The following KIAA1217 variants were observed in gnomAD, a reference collection of about 807,000 sequenced individuals.
The protein encoded by KIAA1217 is KIAA1217, also known as sickle tail protein homolog.
In KIAA1217, 88 loss-of-function variants were observed where a neutral mutation model predicts 163.9. The observed-to-expected ratio is 0.54, with a 90% CI of 0.45 to 0.64. KIAA1217 has a LOEUF of 0.64. Among genes scored for constraint, KIAA1217 ranks in the 30% least tolerant of loss-of-function variants. The pLI is 0.00. For synonymous variants in KIAA1217, 903 were observed against 923.1 expected, an observed-to-expected ratio of 0.98 and a Z score of 0.39; for missense variants, 2,372 against 2,475.0, an observed-to-expected ratio of 0.96 and a Z score of 0.88.
intron 2 of KIAA1217, among the ~76,000 whole-genome samples, chr10:24,165,535 G>T (rs2065304996): frequency 1.3e-5 from 2 of 152,152 alleles, no homozygotes; most frequent in Non-Finnish European, 2.9e-5. Context: ...GGACCCAGAA[G>T]CAGAACATTT....
intron 2 of KIAA1217, among the ~76,000 whole-genome samples, chr10:24,249,754 G>T (rs374680449): frequency 2.0e-5 from 3 of 152,142 alleles, no homozygotes; most frequent in East Asian, 3.9e-4. Context: ...AAACCCTGCG[G>T]AGAGATACCT....
intron 3 of KIAA1217, among the ~76,000 whole-genome samples, chr10:24,387,934 G>A (rs12260833): frequency 0.15 from 23,013 of 151,886 alleles, 5,133 homozygotes; most frequent in African/African-American, 0.49. Flanking sequence ...AACATTCCAT[G>A]CTCATGGATA....
chr10:24,153,081 C>G (rs139859240), intron 2 of KIAA1217, among the ~76,000 whole-genome samples: 2 of 152,212 alleles, frequency 1.3e-5, no homozygotes, highest in Non-Finnish European at 2.9e-5. Context: ...TCATGAACTA[C>G]TAGCCTTAGG....
At chr10:23,774,333 G>A (rs988534128) in intron 1 of KIAA1217, among the ~76,000 whole-genome samples, 1 of 152,202 alleles carries the variant, frequency 6.6e-6, no homozygotes, top group African/African-American at 2.4e-5. Context: ...CTGGTGTGTG[G>A]GCTATGCTGG....
intron 1 of KIAA1217, among the ~76,000 whole-genome samples, chr10:23,855,591 A>G (rs950638375): frequency 5.3e-5 from 8 of 152,152 alleles, no homozygotes; most frequent in African/African-American, 1.9e-4. Flanking sequence ...GTTCTGGATA[A>G]TATCCTGCAG....
chr10:23,922,278 C>A (rs1266070140), intron 1 of KIAA1217, among the ~76,000 whole-genome samples: 1 of 152,144 alleles, frequency 6.6e-6, no homozygotes, highest in Non-Finnish European at 1.5e-5. Context: ...ATCTCTGCAC[C>A]AGCTCTCATA....
At chr10:24,503,799 C>T (rs972463457) in intron 9 of KIAA1217, among the ~76,000 whole-genome samples, 1 of 152,202 alleles carries the variant, frequency 6.6e-6, no homozygotes, top group Non-Finnish European at 1.5e-5. Flanking sequence ...GAGGTCAAGC[C>T]CTTCCCTTCA....
intron 2 of KIAA1217, among the ~76,000 whole-genome samples, chr10:24,077,140 G>C (rs893799900): frequency 4.6e-5 from 7 of 152,176 alleles, no homozygotes; most frequent in African/African-American, 1.7e-4. Context: ...GCCTCCCAAA[G>C]TGCTGAGATT....
At chr10:23,836,402 G>A (rs1838451315) in intron 1 of KIAA1217, among the ~76,000 whole-genome samples, 1 of 152,034 alleles carries the variant, frequency 6.6e-6, no homozygotes, top group African/African-American at 2.4e-5. Flanking sequence ...CAGAGAAGGA[G>A]GACCATGTGA....
In KIAA1217 at chr10:24,473,395, G is replaced by T; in HGVS notation, c.1014G>T (p.Met338Ile). The change falls in exon 6 of 21, where the codon ATG (methionine) becomes ATT (isoleucine). Residue 338 changes from methionine to isoleucine, a missense_variant. By Grantham distance (10) the Met-to-Ile change is conservative (BLOSUM62 1). Coordinates refer to ENST00000376454, the MANE Select transcript of KIAA1217 (RefSeq NM_019590.5). ...TTCCTTATGGGGGCACCCGCTCCAT[G>T]GTTGTTCCTGGCAATGCCACCATCC... ...SRIPYGGTRSMVVPGNATIPR... is the reference protein window; with the variant it reads ...SRIPYGGTRSIVVPGNATIPR... 5 of 1,613,736 alleles carry T rather than the reference G, an allele frequency of 3.1e-6. No homozygotes were observed. Among genetic ancestry groups the T allele is most frequent in the Non-Finnish European group, 4.2e-6 (5 of 1,179,828 alleles).
At chr10:24,285,570 G>A (rs1294605643) in intron 2 of KIAA1217, among the ~76,000 whole-genome samples, 1 of 152,114 alleles carries the variant, frequency 6.6e-6, no homozygotes, top group African/African-American at 2.4e-5. Context: ...GTTGGTCTAT[G>A]TGTCTATTTT....
chr10:24,322,992 C>A (rs2044371991), intron 2 of KIAA1217, among the ~76,000 whole-genome samples: 1 of 152,180 alleles, frequency 6.6e-6, no homozygotes, highest in South Asian at 2.1e-4. Flanking sequence ...TGGCTACCGG[C>A]TAGGCTAGAG....
At position 24,089,017 on chromosome 10, in the gene KIAA1217, G is replaced by A. The variant is rs1427653852; in HGVS notation, c.-171+81643G>A. Among the ~76,000 whole-genome samples the A allele has an allele frequency of 2.4e-5, 3 of 125,348 alleles. 1 individual carries two copies. Among genetic ancestry groups the A allele is most frequent in the Admixed American group, 7.6e-5 (1 of 13,080 alleles). 82.2% of individuals were successfully genotyped at this position (125,348 alleles called of 152,430 possible). A position where few individuals can be genotyped will look rare whatever the true frequency, so the allele number is the denominator to read the frequency against. On this transcript the variant is annotated intron_variant, in intron 2 of 18. Coordinates refer to the KIAA1217 transcript ENST00000376462. ...TAGTGTGAGATGATATCTCACTGTG[G>A]TTTTGATTTGCATTTCTCTGATGGC...
chr10:24,450,559 C>G (rs2061309394), intron 5 of KIAA1217, among the ~76,000 whole-genome samples: 1 of 152,162 alleles, frequency 6.6e-6, no homozygotes, highest in Non-Finnish European at 1.5e-5. Flanking sequence ...CAGTCTGTTT[C>G]CTTTCAAAAG....
chr10:24,100,740 G>A (rs2062380381), intron 2 of KIAA1217, among the ~76,000 whole-genome samples: 1 of 152,142 alleles, frequency 6.6e-6, no homozygotes, highest in Admixed American at 6.5e-5. Flanking sequence ...TATATTTCTA[G>A]TATGACTGCA....
At chr10:24,505,141 A>G (rs2068166609) in intron 9 of KIAA1217, among the ~76,000 whole-genome samples, 1 of 151,750 alleles carries the variant, frequency 6.6e-6, no homozygotes, top group Admixed American at 6.6e-5. Flanking sequence ...GGTAATATGA[A>G]TGCTTAGTCC....
chr10:23,918,150 C>CTTTT (rs559699322), intron 1 of KIAA1217, among the ~76,000 whole-genome samples: 1 of 115,834 alleles, frequency 8.6e-6, no homozygotes, highest in Admixed American at 9.0e-5. Context: ...GTAGCTGGGA[C>CTTTT]TTTTTTTTTT....
At chr10:24,282,666 G>T in intron 2 of KIAA1217, among the ~76,000 whole-genome samples, 1 of 151,792 alleles carries the variant, frequency 6.6e-6, no homozygotes, top group East Asian at 1.9e-4. Flanking sequence ...GTGGTTTGTG[G>T]GTTCTTTGTT....
chr10:23,704,369 G>A (rs1836743195), intron 1 of KIAA1217, among the ~76,000 whole-genome samples: 2 of 150,704 alleles, frequency 1.3e-5, no homozygotes, highest in South Asian at 4.2e-4. Context: ...AAATTTATAA[G>A]GTCATGCAAC....
Sources: allele counts gnomAD v4.1 joint callset (sites outside exome capture counted in the v4.1 genomes callset), GRCh38; gene constraint gnomAD v4.1.1; transcripts MANE v1.5; gene names NCBI Gene and HGNC (gene_info 2026-07-23, HGNC 2026-07-21).